Variants in ZC3H12B observed in about 807,000 individuals in gnomAD.
The protein encoded by ZC3H12B is zinc finger CCCH-type containing 12B, also known as probable ribonuclease ZC3H12B.
A neutral mutation model predicts 43.9 loss-of-function variants in ZC3H12B; 7 were observed. The ratio of observed to expected loss-of-function variants is 0.16; its 90% CI spans 0.09 to 0.30. The LOEUF (loss-of-function observed/expected upper bound fraction) is 0.30, where lower values mean the gene tolerates loss of function less well. ZC3H12B is among the 10% of genes least tolerant of loss of function. ZC3H12B has a pLI of 1.00. For missense variants in ZC3H12B, 475 were observed against 670.2 expected, an observed-to-expected ratio of 0.71 and a Z score of 3.22; for synonymous variants, 222 against 241.7, an observed-to-expected ratio of 0.92 and a Z score of 0.76.
chrX:65,153,050 A>T, the ZC3H12B span, among the ~76,000 whole-genome samples: 8 of 112,077 alleles, frequency 7.1e-5, no homozygotes, highest in African/African-American at 2.6e-4. Flanking sequence ...CTGAAACTGG[A>T]TCCCTTCCTT....
chrX:65,198,873 C>T, the ZC3H12B span, among the ~76,000 whole-genome samples: 1 of 111,735 alleles, frequency 8.9e-6, no homozygotes, highest in Non-Finnish European at 1.9e-5. Flanking sequence ...GTTGCCCACA[C>T]TGGAGTGCGA....
At chrX:65,297,797 G>A in the ZC3H12B span, among the ~76,000 whole-genome samples, 2 of 111,558 alleles carry the variant, frequency 1.8e-5, no homozygotes, top group African/African-American at 6.5e-5. Context: ...ATAAAAATAG[G>A]CACATAGACC....
At chrX:65,233,292 A>G in the ZC3H12B span, among the ~76,000 whole-genome samples, 1 of 111,762 alleles carries the variant, frequency 8.9e-6, no homozygotes, top group Non-Finnish European at 1.9e-5. Flanking sequence ...GCTACAGAAT[A>G]CACACTTGTC....
chrX:65,191,841 A>C, the ZC3H12B span, among the ~76,000 whole-genome samples: 65 of 104,436 alleles, frequency 6.2e-4, no homozygotes, highest in African/African-American at 2.2e-3. Flanking sequence ...GCCTTCTGCT[A>C]GCTTTTGAAT....
the ZC3H12B span, among the ~76,000 whole-genome samples, chrX:65,281,492 C>T: frequency 9.0e-6 from 1 of 111,648 alleles, no homozygotes; most frequent in African/African-American, 3.3e-5. Flanking sequence ...TCCCAAAGTG[C>T]TAGGACTACA....
At chrX:65,329,016 C>T in the ZC3H12B span, among the ~76,000 whole-genome samples, 1 of 110,602 alleles carries the variant, frequency 9.0e-6, no homozygotes, top group Non-Finnish European at 1.9e-5. Context: ...CATACATGTG[C>T]ATGTGTCTTT....
chrX:65,063,052 G>T, the ZC3H12B span, among the ~76,000 whole-genome samples: 2 of 112,240 alleles, frequency 1.8e-5, no homozygotes, highest in Admixed American at 9.4e-5. Flanking sequence ...AGCTTAAGGT[G>T]TTGTTGGACT....
At chrX:65,052,242 G>A in the ZC3H12B span, among the ~76,000 whole-genome samples, 6 of 110,497 alleles carry the variant, frequency 5.4e-5, no homozygotes, top group African/African-American at 6.6e-5. Context: ...GTTTTGATAC[G>A]GACATCCAAT....
chrX:65,485,235 G>T (rs1274139155), upstream of ZC3H12B, among the ~76,000 whole-genome samples: 1 of 111,947 alleles, frequency 8.9e-6, no homozygotes, highest in Non-Finnish European at 1.9e-5. Flanking sequence ...TTTTCAATCA[G>T]TAACAATAAA....
At chrX:65,164,415 A>G in the ZC3H12B span, among the ~76,000 whole-genome samples, 1 of 111,285 alleles carries the variant, frequency 9.0e-6, no homozygotes, top group Non-Finnish European at 1.9e-5. Flanking sequence ...AATAATGATA[A>G]TATCTATAGG....
chrX:65,151,156 G>A, the ZC3H12B span, among the ~76,000 whole-genome samples: 1 of 111,466 alleles, frequency 9.0e-6, no homozygotes, highest in Admixed American at 9.6e-5. Context: ...AACAACATCA[G>A]TAAAAAATAT....
chrX:65,250,952 T>C, the ZC3H12B span, among the ~76,000 whole-genome samples: 3 of 112,004 alleles, frequency 2.7e-5, no homozygotes, highest in Non-Finnish European at 5.6e-5. Context: ...TTAGATCCCA[T>C]TTGTCAATTT....
chrX:65,318,786 T>G, the ZC3H12B span, among the ~76,000 whole-genome samples: 4 of 111,192 alleles, frequency 3.6e-5, no homozygotes, highest in Admixed American at 9.6e-5. Flanking sequence ...TGGGATTTTT[T>G]TTTTCTTGCT....
the ZC3H12B span, among the ~76,000 whole-genome samples, chrX:65,082,274 G>A: frequency 1.8e-5 from 2 of 111,353 alleles, no homozygotes; most frequent in Admixed American, 9.5e-5. Context: ...ATAAAGATCA[G>A]AGTAGAAATG....
chrX:65,385,338 G>A (rs1305196927), intron 2 of ZC3H12B, among the ~76,000 whole-genome samples: 2 of 111,715 alleles, frequency 1.8e-5, no homozygotes, highest in Non-Finnish European at 3.8e-5. Context: ...GCAGTGGTTT[G>A]TAGTTCTCCT....
At chrX:65,050,358 T>G in the ZC3H12B span, among the ~76,000 whole-genome samples, 2 of 111,172 alleles carry the variant, frequency 1.8e-5, no homozygotes, top group Non-Finnish European at 3.8e-5. Flanking sequence ...AAGAGATAAT[T>G]TTTCTACTTT....
the ZC3H12B span, among the ~76,000 whole-genome samples, chrX:65,344,877 C>T: frequency 8.9e-6 from 1 of 111,931 alleles, no homozygotes; most frequent in Non-Finnish European, 1.9e-5. Flanking sequence ...AAAACAACCT[C>T]ATTAAAAGTG....
chrX:65,199,008 T>G, the ZC3H12B span, among the ~76,000 whole-genome samples: 1 of 110,209 alleles, frequency 9.1e-6, no homozygotes, highest in Non-Finnish European at 1.9e-5. Context: ...TTTTGTATTT[T>G]TAGTAGAGAT....
chrX:65,102,308 C>T, the ZC3H12B span, among the ~76,000 whole-genome samples: 1 of 111,831 alleles, frequency 8.9e-6, no homozygotes, highest in Non-Finnish European at 1.9e-5. Context: ...GGAAGCATTA[C>T]CTTTGAAAAC....
Sources: allele counts gnomAD v4.1 joint callset (sites outside exome capture counted in the v4.1 genomes callset), GRCh38; gene constraint gnomAD v4.1.1; transcripts MANE v1.5; gene names NCBI Gene and HGNC (gene_info 2026-07-23, HGNC 2026-07-21).